The following FOSL1 variants were observed in gnomAD, a reference collection of about 807,000 sequenced individuals.
FOSL1 encodes FOS like 1, AP-1 transcription factor subunit, also known as fos-related antigen 1.
Under a neutral mutation model 24.9 loss-of-function variants are expected in FOSL1, and 14 were observed. The observed-to-expected ratio is 0.56, with a 90% CI of 0.37 to 0.88. The LOEUF is 0.88. FOSL1 is among the 40% of genes least tolerant of loss of function. FOSL1 has a pLI of 0.00. For synonymous variants in FOSL1, 133 were observed against 145.1 expected, an observed-to-expected ratio of 0.92 and a Z score of 0.60; for missense variants, 318 against 359.8, an observed-to-expected ratio of 0.88 and a Z score of 0.94.
At chr11:65,897,752 C>T (rs749315885) in intron 1 of FOSL1, among the ~76,000 whole-genome samples, 2 of 152,200 alleles carry the variant, frequency 1.3e-5, no homozygotes, top group Non-Finnish European at 2.9e-5. Context: ...AGGATAATTA[C>T]AGCTCCCAGC....
chr11:65,893,297 C>T lies in FOSL1; in HGVS notation c.406-1G>A. The T allele has an allele frequency of 6.2e-7, 1 of 1,602,458 alleles. No individual in the cohort carries two copies. The highest frequency in any genetic ancestry group is 8.5e-7 in the Non-Finnish European group (1 of 1,174,040). ...TCTCATCTTCCAGTTTGTCAGTCTC[C>T]TGTAGAAGATCAGGAGAGGAGTCAG... On this transcript the variant is annotated splice_acceptor_variant, in intron 3 of 3. Transcript: ENST00000312562. LOFTEE classifies it high-confidence loss of function.
chr11:65,900,261 C>T lies in FOSL1; in HGVS notation c.79G>A (p.Ala27Thr). The stretch of plus-strand genomic sequence containing the variant: ...CTCACCTGCTGGGCTGCCTGCGCTG[C>T]GGCCGGGGGCTGCGCGGGGCCGCCG... ...GYGGPAQPPA[A>T]AQAAQQKFHL... is the part of the protein sequence containing the mutation. The change falls in exon 1 of 4, where the codon GCA becomes ACA. Residue 27 changes from alanine (A) to threonine (T), a missense_variant. Ala to Thr is a moderately conservative substitution (Grantham distance 58). Transcript: ENST00000312562. The T allele has an allele frequency of 8.0e-7, 1 of 1,243,198 alleles. No homozygotes were observed. The highest frequency in any genetic ancestry group is 1.0e-6 in the Non-Finnish European group (1 of 993,164). The allele number at this position is 1,243,198 out of a possible 1,614,324, so 77.0% of individuals were successfully genotyped here. A position where few individuals can be genotyped will look rare whatever the true frequency, so the allele number is the denominator to read the frequency against.
rs886697574 is a variant in FOSL1 at position 65,893,009 on chromosome 11, G to A, written c.693C>T (p.Pro231=). 1 of 1,612,712 alleles carries A rather than the reference G, an allele frequency of 6.2e-7. No individual in the cohort carries two copies. Among genetic ancestry groups the A allele is most frequent in the South Asian group, 1.1e-5 (1 of 91,008 alleles). Residue 231 remains proline (P), a synonymous_variant, in exon 4 of 4, where the codon CCC becomes CCT. Transcript: ENST00000312562. ...MTTPSLTPFT[P]SLVFTYPSTP... Reference sequence around the variant, plus strand: ...TGCTGGGGTAGGTGAAGACCAGGCTGGGGGTGAAAGGAGTTAGGGAGGGTG... The same window carrying A: ...TGCTGGGGTAGGTGAAGACCAGGCTAGGGGTGAAAGGAGTTAGGGAGGGTG...
intron 1 of FOSL1, among the ~76,000 whole-genome samples, chr11:65,898,545 T>C (rs1591090453): frequency 6.6e-6 from 1 of 152,176 alleles, no homozygotes; most frequent in Admixed American, 6.5e-5. Context: ...CATGGGCAAG[T>C]TATTTAACCT....
At chr11:65,895,669 G>A (rs1860508313) in intron 2 of FOSL1, among the ~76,000 whole-genome samples, 2 of 152,202 alleles carry the variant, frequency 1.3e-5, no homozygotes. Context: ...ACGCACAGGA[G>A]GGTTTACCCC....
At position 65,892,798 on chromosome 11, in the gene FOSL1, G is replaced by T; in HGVS notation, c.*88C>A. The T allele has an allele frequency of 7.6e-7, 1 of 1,308,212 alleles. No homozygotes were observed. Among genetic ancestry groups the T allele is most frequent in the Non-Finnish European group, 1.1e-6 (1 of 932,402 alleles). 81.0% of individuals were successfully genotyped at this position (1,308,212 alleles called of 1,614,324 possible). A position where few individuals can be genotyped will look rare whatever the true frequency, so the allele number is the denominator to read the frequency against. The stretch of plus-strand genomic sequence containing the variant: ...GAAGAAGTTGCTGGAGTTGGATGTG[G>T]GATACTGTCCAGGCCAGCTGGACCG... On this transcript the variant is annotated 3_prime_UTR_variant, in exon 4 of 4. Coordinates refer to ENST00000312562, the MANE Select transcript of FOSL1 (RefSeq NM_005438.5).
intron 1 of FOSL1, among the ~76,000 whole-genome samples, chr11:65,899,681 G>C (rs1860623059): frequency 6.6e-6 from 1 of 152,224 alleles, no homozygotes; most frequent in South Asian, 2.1e-4. Context: ...GGACCCCCCT[G>C]GACTCCCCAG....
Position 65,893,171 on chromosome 11 carries a change from T to C in FOSL1, c.531A>G (p.Gly177=). ...TACTGCCTGTGTCCCCCTCCTTGGC[T>C]CCTTCCGGGATTTTGCAGATGGGTC... ...AHRPICKIPE[G]AKEGDTGSTS... The change falls in exon 4 of 4, where the codon GGA becomes GGG. Residue 177 remains glycine (G), a synonymous_variant. Coordinates refer to ENST00000312562, the MANE Select transcript of FOSL1 (RefSeq NM_005438.5). The C allele has an allele frequency of 6.2e-7, 1 of 1,613,852 alleles. No homozygotes were observed. The highest frequency in any genetic ancestry group is 8.5e-7 in the Non-Finnish European group (1 of 1,179,986).
chr11:65,898,213 G>A (rs909884656), intron 1 of FOSL1, among the ~76,000 whole-genome samples: 1 of 151,886 alleles, frequency 6.6e-6, no homozygotes, highest in African/African-American at 2.4e-5. Flanking sequence ...GCTAATTTTT[G>A]TATTTTTAGT....
chr11:65,892,245 T>G lies in FOSL1; in HGVS notation c.*641A>C. 4.5e-6 allele frequency: 1 copy of G among 221,470 alleles called. No individual in the cohort carries two copies. The allele number at this position is 221,470 out of a possible 1,614,324, so 13.7% of individuals were successfully genotyped here. On this transcript the variant is annotated 3_prime_UTR_variant, in exon 4 of 4. Coordinates refer to ENST00000312562, the MANE Select transcript of FOSL1 (RefSeq NM_005438.5). The stretch of plus-strand genomic sequence containing the variant: ...CCACAGCTTCAAGCCTTTTATTCCA[T>G]TTTGGTAGGTTTGTATAAAAATACT...
intron 3 of FOSL1, 48 bp from the exon 4 acceptor site, chr11:65,893,344 C>T (rs770119342): frequency 3.3e-6 from 5 of 1,500,392 alleles, no homozygotes; most frequent in Middle Eastern, 1.8e-4. Flanking sequence ...CTGAATACCC[C>T]AGAGCCGCAG....
intron 1 of FOSL1, among the ~76,000 whole-genome samples, chr11:65,898,887 G>GGAGGCT (rs972696078): frequency 1.3e-5 from 2 of 151,260 alleles, no homozygotes; most frequent in African/African-American, 4.9e-5. Flanking sequence ...CTTGAGCCCA[G>GGAGGCT]GAGGCTGAGG....
intron 2 of FOSL1, among the ~76,000 whole-genome samples, chr11:65,895,123 C>CTTTT (rs71036251): frequency 6.3e-5 from 7 of 111,428 alleles, no homozygotes; most frequent in Admixed American, 1.1e-4. Flanking sequence ...AACATAGATT[C>CTTTT]TTTTTTTTTT....
chr11:65,894,119 G>A lies in FOSL1; in HGVS notation c.300C>T (p.Ile100=). 6.2e-7 allele frequency: 1 copy of A among 1,601,584 alleles called. No homozygotes were observed. The highest frequency in any genetic ancestry group is 8.5e-7 in the Non-Finnish European group (1 of 1,177,424). The change falls in exon 3 of 4, where the codon ATC becomes ATT. Residue 100 remains isoleucine (I), a splice_region_variant and synonymous_variant. Coordinates refer to ENST00000312562, the MANE Select transcript of FOSL1 (RefSeq NM_005438.5). ...GGCGGCGCTCCTCTTCCTCCGGGCT[G>A]ATCTGGGGGTGAGACCCGCAGTGAG... is the stretch of plus-strand genomic sequence containing the variant. ...PGVRRRPCEQ[I]SPEEEERRRV... is the part of the protein sequence containing the mutation.
chr11:65,896,980 G>A lies in FOSL1; in HGVS notation c.126C>T (p.Asn42=), dbSNP rs765594162. The change falls in exon 2 of 4, where the codon AAC becomes AAT. Residue 42 remains asparagine, a synonymous_variant. Transcript: ENST00000312562. The part of the protein sequence containing the change: ...QQKFHLVPSI[N]TMSGSQELQW... ...GCAGCTCCTGACTGCCACTCATGGT[G>A]TTGATGCTTGGCACCAGGTGGAACT... 10 of 1,614,106 alleles carry A rather than the reference G, an allele frequency of 6.2e-6. No homozygotes were observed. The South Asian group carries it at 1.1e-4, about 18-fold the overall frequency.
At chr11:65,897,956 G>T (rs1478862454) in intron 1 of FOSL1, among the ~76,000 whole-genome samples, 1 of 150,062 alleles carries the variant, frequency 6.7e-6, no homozygotes, top group African/African-American at 2.5e-5. Flanking sequence ...TGACCTGCGG[G>T]CTCAAGCAAT....
intron 3 of FOSL1, among the ~76,000 whole-genome samples, chr11:65,893,566 G>A (rs1465803203): frequency 6.6e-6 from 1 of 152,130 alleles, no homozygotes; most frequent in East Asian, 1.9e-4. Flanking sequence ...TGAGGCGGGC[G>A]GATCACTTGA....
In FOSL1 at chr11:65,893,277, T is replaced by A. The variant is rs750196473; in HGVS notation, c.425A>T (p.Asp142Val). The change falls in exon 4 of 4, where the codon GAT (aspartate) becomes GTT (valine). Residue 142 changes from aspartate (D) to valine (V), a missense_variant. By Grantham distance (152) the Asp-to-Val change is radical. Coordinates refer to ENST00000312562, the MANE Select transcript of FOSL1 (RefSeq NM_005438.5). ...CTCTCGCTGCAGCCCAGATTTCTCA[T>A]CTTCCAGTTTGTCAGTCTCCTGTAG... ...FLQAETDKLEDEKSGLQREIE... is the reference protein window; with the variant it reads ...FLQAETDKLEVEKSGLQREIE... The A allele has an allele frequency of 1.1e-5, 17 of 1,610,330 alleles. No individual in the cohort carries two copies. The East Asian group carries it at 3.3e-4, about 32-fold the overall frequency.
rs775417583 is a variant in FOSL1 at position 65,893,990 on chromosome 11, C to A, written c.405+24G>T. 3 of 1,519,046 alleles carry A rather than the reference C, an allele frequency of 2.0e-6. No homozygotes were observed. In the Admixed American group the frequency reaches 5.8e-5, roughly 29 times the overall value. The allele number at this position is 1,519,046 out of a possible 1,614,324, so 94.1% of individuals were successfully genotyped here. A position where few individuals can be genotyped will look rare whatever the true frequency, so the allele number is the denominator to read the frequency against. The stretch of plus-strand genomic sequence containing the variant: ...CTGGGAGACAGGGTCCCTCTGAGCT[C>A]GGTGGACCAGGGCTGGTGCTCACCG... On this transcript the variant is annotated intron_variant, in intron 3 of 3. Transcript: ENST00000312562.
Sources: allele counts gnomAD v4.1 joint callset (sites outside exome capture counted in the v4.1 genomes callset), GRCh38; gene constraint gnomAD v4.1.1; transcripts MANE v1.5; gene names NCBI Gene and HGNC (gene_info 2026-07-23, HGNC 2026-07-21).